The following WDR36 variants were observed in gnomAD, a reference collection of about 807,000 sequenced individuals.
WDR36 encodes the protein WD repeat-containing protein 36.
A neutral mutation model predicts 112.7 loss-of-function variants in WDR36; 63 were observed. The observed-to-expected ratio is 0.56, with a 90% CI of 0.46 to 0.69. The LOEUF is 0.69. Ranked by LOEUF, WDR36 falls within the 30% of genes least tolerant of loss-of-function variation. The pLI, the probability that WDR36 is intolerant of heterozygous loss-of-function variation, is 0.00. For synonymous variants in WDR36, 410 were observed against 362.2 expected, an observed-to-expected ratio of 1.13 and a Z score of -1.50; for missense variants, 1,226 against 1,070.3, an observed-to-expected ratio of 1.15 and a Z score of -2.03.
chr5:111,116,595 T>C (rs1298494546), intron 16 of WDR36, among the ~76,000 whole-genome samples: 1 of 136,024 alleles, frequency 7.4e-6, no homozygotes, highest in African/African-American at 3.0e-5. Flanking sequence ...TCAGAAAAAA[T>C]TGTAAGGTAC....
intron 3 of WDR36, 40 bp from the exon 4 acceptor site, chr5:111,098,682 G>C (rs1753045374): frequency 1.6e-6 from 2 of 1,233,126 alleles, no homozygotes; most frequent in East Asian, 2.3e-5. Flanking sequence ...CATGATGACT[G>C]AGTAATAATA....
rs1048522154 is a variant in WDR36, at chr5:111,125,867, G to A, written c.2538+72G>A. 1.1e-5 allele frequency: 17 copies of A among 1,516,434 alleles called. No individual in the cohort carries two copies. In the African/African-American group the frequency reaches 1.9e-4, roughly 17 times the overall value. 93.9% of individuals were successfully genotyped at this position (1,516,434 alleles called of 1,614,324 possible). On this transcript the variant is annotated intron_variant, in intron 22 of 22. Coordinates refer to ENST00000513710, the MANE Select transcript of WDR36 (RefSeq NM_139281.3). ...GCAGTGCTATCTAACAGAACTTTCT[G>A]CAAAGATGGGTATGCTGTATATCCA...
At chr5:111,109,355 G>A (rs1753280812) in intron 12 of WDR36, among the ~76,000 whole-genome samples, 1 of 151,262 alleles carries the variant, frequency 6.6e-6, no homozygotes. Flanking sequence ...TCTTTATCTA[G>A]AAAAATGTAT....
chr5:111,099,471 T>G (rs202048424), intron 4 of WDR36, among the ~76,000 whole-genome samples: 45,796 of 130,242 alleles, frequency 0.35, 7,154 homozygotes, highest in Middle Eastern at 0.47. Flanking sequence ...TTGTTTTTTT[T>G]TTTTTTTTTT....
chr5:111,099,472 T>TG (rs1753073119), intron 4 of WDR36, among the ~76,000 whole-genome samples: 1 of 144,816 alleles, frequency 6.9e-6, no homozygotes, highest in Non-Finnish European at 1.5e-5. Context: ...TGTTTTTTTT[T>TG]TTTTTTTTTT....
chr5:111,125,916 T>C, intron 22 of WDR36, 121 bp downstream of exon 22: 1 of 951,124 alleles, frequency 1.1e-6, no homozygotes, highest in Non-Finnish European at 1.7e-6. Context: ...CATAGCCACT[T>C]GCCACATGTA....
chr5:111,116,753 T>C (rs1016230429), intron 16 of WDR36, among the ~76,000 whole-genome samples: 2 of 152,212 alleles, frequency 1.3e-5, no homozygotes, highest in South Asian at 2.1e-4. Flanking sequence ...TTGGTGGTTT[T>C]ATATAATGGA....
intron 10 of WDR36, 66 bp downstream of exon 10, chr5:111,105,426 C>G (rs1200514668): frequency 2.4e-5 from 34 of 1,446,436 alleles, no homozygotes; most frequent in Non-Finnish European, 9.7e-7. Context: ...TATGAAACAA[C>G]TGGAGGAAGT....
In WDR36 at chr5:111,127,538, T is replaced by C. The variant is rs1753698467; in HGVS notation, c.*655T>C. On this transcript the variant is annotated 3_prime_UTR_variant, in exon 23 of 23. Coordinates refer to ENST00000513710, the MANE Select transcript of WDR36 (RefSeq NM_139281.3). ...ATCTTCTAGCACAGCCCTGTTGTGT[T>C]GCAGGAGAGGAATCAGGCTAAAGTC... 4.8e-6 allele frequency: 1 copy of C among 210,294 alleles called. No homozygotes were observed. Among genetic ancestry groups the C allele is most frequent in the African/African-American group, 2.3e-5 (1 of 44,116 alleles). 13.0% of individuals were successfully genotyped at this position (210,294 alleles called of 1,614,324 possible).
At chr5:111,108,473 A>G (rs1461790897) in intron 12 of WDR36, among the ~76,000 whole-genome samples, 3 of 151,296 alleles carry the variant, frequency 2.0e-5, no homozygotes, top group East Asian at 1.9e-4. Context: ...TGTATATTCT[A>G]TTCTCTGTAG....
chr5:111,117,544 A>G (rs1248415959), intron 16 of WDR36, among the ~76,000 whole-genome samples: 3 of 152,300 alleles, frequency 2.0e-5, no homozygotes, highest in Non-Finnish European at 4.4e-5. Flanking sequence ...AACAATATAA[A>G]TTGGGTAGAA....
Position 111,092,536 on chromosome 5 carries a change from T to C in WDR36, c.80T>C (p.Ile27Thr). ...GCCTTGGGACTTTTCAGCAACGACA[T>C]TCCACACGTGGTGCGGTTCAGCGCG... Reference protein sequence around the residue: ...FRALGLFSNDIPHVVRFSALK... With the variant: ...FRALGLFSNDTPHVVRFSALK... The change falls in exon 1 of 23, where the codon ATT (isoleucine) becomes ACT (threonine). Residue 27 changes from isoleucine (I) to threonine (T), a missense_variant. By Grantham distance (89) the Ile-to-Thr change is moderately conservative (BLOSUM62 -1). Coordinates refer to ENST00000513710, the MANE Select transcript of WDR36 (RefSeq NM_139281.3). 6.2e-7 allele frequency: 1 copy of C among 1,614,236 alleles called. No homozygotes were observed. The highest frequency in any genetic ancestry group is 8.5e-7 in the Non-Finnish European group (1 of 1,180,038).
At chr5:111,092,793 G>A (rs1027259244) in intron 1 of WDR36, among the ~76,000 whole-genome samples, 175 bp downstream of exon 1, 4 of 152,244 alleles carry the variant, frequency 2.6e-5, no homozygotes, top group African/African-American at 9.6e-5. Flanking sequence ...TTTGGCACTT[G>A]CAGTCCTCCT....
intron 17 of WDR36, 123 bp downstream of exon 17, chr5:111,119,243 C>A: frequency 1.3e-6 from 1 of 786,842 alleles, no homozygotes; most frequent in Non-Finnish European, 2.3e-6. Context: ...CACAAGTTAA[C>A]ACAGATACTT....
At chr5:111,105,474 A>T in intron 10 of WDR36, 114 bp downstream of exon 10, 1 of 923,834 alleles carries the variant, frequency 1.1e-6, no homozygotes, top group Non-Finnish European at 1.7e-6. Flanking sequence ...GATGAACTAG[A>T]TAAACATGTA....
At chr5:111,111,096 CA>C in intron 14 of WDR36, 73 bp from the exon 15 acceptor site, 1 of 1,558,370 alleles carries the variant, frequency 6.4e-7, no homozygotes, top group Non-Finnish European at 8.8e-7. Context: ...CTTGATTTAA[CA>C]AAATTCAAGT....
chr5:111,098,489 T>G (rs1753040877), intron 3 of WDR36, among the ~76,000 whole-genome samples: 1 of 152,190 alleles, frequency 6.6e-6, no homozygotes, highest in South Asian at 2.1e-4. Context: ...AGGTCTCATT[T>G]CTTTGTTCTT....
rs1298935768 is a variant in WDR36, at chr5:111,092,704, C to G, written c.162+86C>G. On this transcript the variant is annotated intron_variant, in intron 1 of 22. Coordinates refer to ENST00000513710, the MANE Select transcript of WDR36 (RefSeq NM_139281.3). ...CCTGGAGCAGTCCGGTTCTCCCTTC[C>G]CATTTACCACGGGCTTCCCTTCTTT... is the stretch of plus-strand genomic sequence containing the variant. 8.5e-6 allele frequency: 12 copies of G among 1,416,366 alleles called. No individual in the cohort carries two copies. In the East Asian group the frequency reaches 2.1e-4, roughly 25 times the overall value. 87.7% of individuals were successfully genotyped at this position (1,416,366 alleles called of 1,614,324 possible). A position where few individuals can be genotyped will look rare whatever the true frequency, so the allele number is the denominator to read the frequency against.
chr5:111,120,987 T>G lies in WDR36; in HGVS notation c.2003-9T>G, dbSNP rs1290150606. 2 of 1,610,396 alleles carry G rather than the reference T, an allele frequency of 1.2e-6. No individual in the cohort carries two copies. The highest frequency in any genetic ancestry group is 4.5e-5 in the East Asian group (2 of 44,758). On this transcript the variant is annotated splice_polypyrimidine_tract_variant and intron_variant, in intron 18 of 22. Coordinates refer to ENST00000513710, the MANE Select transcript of WDR36 (RefSeq NM_139281.3). ...AAATCTTTTGTTTTACCTGAAAAAT[T>G]TTTTTAAGATGTAGAAGTATCAGAA...
Sources: allele counts gnomAD v4.1 joint callset (sites outside exome capture counted in the v4.1 genomes callset), GRCh38; gene constraint gnomAD v4.1.1; transcripts MANE v1.5; gene names NCBI Gene and HGNC (gene_info 2026-07-23, HGNC 2026-07-21).